Variants in STRN3 observed in about 807,000 individuals in gnomAD.
STRN3 encodes the protein striatin-3.
Under a neutral mutation model 95.6 loss-of-function variants are expected in STRN3, and 29 were observed. The observed-to-expected ratio is 0.30, with a 90% CI of 0.23 to 0.41. STRN3 has a LOEUF of 0.41. STRN3 is among the 10% of genes least tolerant of loss of function. STRN3 has a pLI of 1.00. For synonymous variants in STRN3, 331 were observed against 357.6 expected (o/e 0.93, Z 0.84); for missense variants, 890 against 972.1 (o/e 0.92, Z 1.12).
intron 1 of STRN3, among the ~76,000 whole-genome samples, chr14:31,006,395 T>C (rs1882716165): frequency 6.6e-6 from 1 of 151,378 alleles, no homozygotes; most frequent in South Asian, 2.1e-4. Flanking sequence ...ACCTCGTGTT[T>C]ACTAAAATTT....
Position 30,895,379 on chromosome 14 carries a change from C to T in STRN3, c.*32G>A, listed in dbSNP as rs781354129. On this transcript the variant is annotated 3_prime_UTR_variant, in exon 18 of 18. Coordinates refer to ENST00000357479, the MANE Select transcript of STRN3 (RefSeq NM_001083893.2). ...GATGCAGACCCTCTTTCTGTCCAAG[C>T]AAATCTTGTTACGATGCAAGTTTTT... The T allele has an allele frequency of 2.1e-5, 33 of 1,570,942 alleles. No homozygotes were observed. Among genetic ancestry groups the T allele is most frequent in the African/African-American group, 5.4e-5 (4 of 73,932 alleles).
chr14:30,911,698 A>G, intron 12 of STRN3, 79 bp downstream of exon 12: 1 of 1,291,464 alleles, frequency 7.7e-7, no homozygotes, highest in South Asian at 1.4e-5. Flanking sequence ...CATTGAGAAA[A>G]TTACAAGGTT....
In STRN3 at chr14:30,951,984, G is replaced by A. The variant is rs1013346108; in HGVS notation, c.461-1040C>T. Among the ~76,000 whole-genome samples, 15 of 152,218 alleles carry A rather than the reference G, an allele frequency of 9.9e-5. No homozygotes were observed. In the South Asian group the frequency reaches 2.7e-3, roughly 27 times the overall value. Reference sequence around the variant, plus strand: ...AATACAAAAGTTAGCCAGGTATGGCGGCACATGCCTGTAATCCCAGCTACT... The same window carrying A: ...AATACAAAAGTTAGCCAGGTATGGCAGCACATGCCTGTAATCCCAGCTACT... On this transcript the variant is annotated intron_variant, in intron 3 of 17. Coordinates refer to ENST00000357479, the MANE Select transcript of STRN3 (RefSeq NM_001083893.2).
At chr14:30,949,711 G>T (rs529687654) in intron 4 of STRN3, among the ~76,000 whole-genome samples, 2 of 152,110 alleles carry the variant, frequency 1.3e-5, no homozygotes, top group Admixed American at 6.6e-5. Flanking sequence ...TTACAGAAAG[G>T]AAAGTGTTAA....
chr14:30,977,731 T>C (rs1387607867), intron 1 of STRN3, among the ~76,000 whole-genome samples: 7 of 144,496 alleles, frequency 4.8e-5, no homozygotes, highest in African/African-American at 1.8e-4. Context: ...AGGCAGAGGT[T>C]GCAGTGAGCA....
chr14:30,988,324 T>C (rs945840767), intron 1 of STRN3, among the ~76,000 whole-genome samples: 1 of 152,158 alleles, frequency 6.6e-6, no homozygotes, highest in Non-Finnish European at 1.5e-5. Flanking sequence ...CAAACTAAAA[T>C]TAATAAACAA....
At chr14:30,911,001 C>G (rs1328903727) in intron 13 of STRN3, 40 bp downstream of exon 13, 28 of 1,547,212 alleles carry the variant, frequency 1.8e-5, no homozygotes, top group Non-Finnish European at 2.4e-5. Context: ...TTGTCAGCTC[C>G]ATTCACTTAA....
chr14:31,018,790 C>CA (rs1227413078), intron 1 of STRN3: 16 of 467,616 alleles, frequency 3.4e-5, no homozygotes, highest in Non-Finnish European at 5.0e-5. Flanking sequence ...AGAAGCTCAA[C>CA]AACTTCAGAA....
chr14:30,970,129 A>G (rs1221700436), intron 1 of STRN3, among the ~76,000 whole-genome samples: 1 of 152,182 alleles, frequency 6.6e-6, no homozygotes, highest in Non-Finnish European at 1.5e-5. Flanking sequence ...ACACCAAGTC[A>G]ATTTCACCTC....
intron 1 of STRN3, among the ~76,000 whole-genome samples, chr14:30,980,569 A>T (rs1347921426): frequency 6.6e-6 from 1 of 151,792 alleles, no homozygotes; most frequent in East Asian, 1.9e-4. Context: ...CACCACGCCC[A>T]GCTAATCTTT....
intron 1 of STRN3, among the ~76,000 whole-genome samples, chr14:30,969,932 A>C (rs564359117): frequency 6.6e-6 from 1 of 152,304 alleles, no homozygotes; most frequent in East Asian, 1.9e-4. Flanking sequence ...CTAACCACCA[A>C]GACTGCTGTT....
chr14:30,968,894 A>G (rs1880684076), intron 1 of STRN3, among the ~76,000 whole-genome samples: 1 of 152,190 alleles, frequency 6.6e-6, no homozygotes, highest in Non-Finnish European at 1.5e-5. Context: ...CTTCTGGTAA[A>G]AAGACTATAA....
chr14:30,977,814 A>AC (rs1881188113), intron 1 of STRN3, among the ~76,000 whole-genome samples: 1 of 151,344 alleles, frequency 6.6e-6, no homozygotes, highest in Non-Finnish European at 1.5e-5. Flanking sequence ...AAAAAAAAAA[A>AC]AAACATGAAA....
At chr14:31,000,663 G>C (rs1271564455) in intron 1 of STRN3, among the ~76,000 whole-genome samples, 1 of 152,068 alleles carries the variant, frequency 6.6e-6, no homozygotes, top group Non-Finnish European at 1.5e-5. Flanking sequence ...AAATAATAAT[G>C]TTACACGTCA....
chr14:30,906,955 A>C lies in STRN3; in HGVS notation c.1810T>G (p.Cys604Gly), dbSNP rs770233713. ...YSGIKNQLLS[C>G]SADGTVRLWN... is the part of the protein sequence containing the mutation. Reference sequence around the variant, plus strand: ...AACCTAACAGTGCCATCTGCTGAACAAGACAGTAATTGATTTTTTATGCCA... The same window carrying C: ...AACCTAACAGTGCCATCTGCTGAACCAGACAGTAATTGATTTTTTATGCCA... The change falls in exon 14 of 18, where the codon TGT becomes GGT. Residue 604 changes from cysteine (C) to glycine (G), a missense_variant. Cys to Gly is a radical substitution (Grantham distance 159). Transcript: ENST00000357479. 1.2e-6 allele frequency: 2 copies of C among 1,613,998 alleles called. No individual in the cohort carries two copies. The highest frequency in any genetic ancestry group is 1.7e-6 in the Non-Finnish European group (2 of 1,179,908).
At chr14:30,937,584 G>C (rs1364572429) in intron 5 of STRN3, among the ~76,000 whole-genome samples, 4 of 152,242 alleles carry the variant, frequency 2.6e-5, no homozygotes, top group South Asian at 4.1e-4. Context: ...AGTTGTTTAA[G>C]TGTCTAACAA....
intron 1 of STRN3, among the ~76,000 whole-genome samples, chr14:30,972,126 A>G (rs1210925041): frequency 6.6e-6 from 1 of 152,156 alleles, no homozygotes; most frequent in Non-Finnish European, 1.5e-5. Flanking sequence ...TTTTAAACTT[A>G]AACTTCCTCG....
At chr14:30,948,111 T>C (rs952601209) in intron 4 of STRN3, among the ~76,000 whole-genome samples, 10 of 152,148 alleles carry the variant, frequency 6.6e-5, no homozygotes, top group African/African-American at 2.4e-4. Flanking sequence ...CACAAATGTA[T>C]GTGGAAGTAG....
intron 11 of STRN3, 70 bp downstream of exon 11, chr14:30,911,937 A>G (rs1221992698): frequency 5.7e-6 from 9 of 1,568,250 alleles, no homozygotes; most frequent in Non-Finnish European, 7.8e-6. Flanking sequence ...ACATGCAACA[A>G]TAATGAGGAA....
Sources: allele counts gnomAD v4.1 joint callset (sites outside exome capture counted in the v4.1 genomes callset), GRCh38; gene constraint gnomAD v4.1.1; transcripts MANE v1.5; gene names NCBI Gene and HGNC (gene_info 2026-07-23, HGNC 2026-07-21).